Variants in NRG1 observed in about 807,000 individuals in gnomAD.
The protein encoded by NRG1 is pro-neuregulin-1, membrane-bound isoform.
Under a neutral mutation model 63.8 loss-of-function variants are expected in NRG1, and 18 were observed. That is an observed-to-expected ratio of 0.28 (90% CI 0.19 to 0.42). The LOEUF (loss-of-function observed/expected upper bound fraction) is 0.42, where lower values mean the gene tolerates loss of function less well. Ranked by LOEUF, NRG1 falls within the 10% of genes least tolerant of loss-of-function variation. The probability of loss-of-function intolerance (pLI) is 1.00; values close to 1 mark genes in which losing one functional copy is unlikely to be tolerated. For synonymous variants in NRG1, 302 were observed against 301.3 expected (o/e 1.00, Z -0.02); for missense variants, 762 against 814.7 (o/e 0.94, Z 0.79).
chr8:31,660,478 G>A (rs188073664), intron 1 of NRG1, among the ~76,000 whole-genome samples: 1 of 152,300 alleles, frequency 6.6e-6, no homozygotes, highest in African/African-American at 2.4e-5. Context: ...TGCAGGGTGT[G>A]TTAAGATGAT....
chr8:32,591,263 T>C (rs1054450461), intron 1 of NRG1, among the ~76,000 whole-genome samples: 5 of 152,120 alleles, frequency 3.3e-5, no homozygotes, highest in African/African-American at 7.2e-5. Flanking sequence ...AAAGTTAGAG[T>C]AGCTGTGAGC....
chr8:32,358,662 G>A (rs1025740242), intron 1 of NRG1, among the ~76,000 whole-genome samples: 4 of 152,178 alleles, frequency 2.6e-5, no homozygotes, highest in African/African-American at 9.6e-5. Flanking sequence ...GAGACTTATA[G>A]ATCATCTTCA....
intron 5 of NRG1, among the ~76,000 whole-genome samples, chr8:32,651,160 A>G (rs1232453725): frequency 6.6e-6 from 1 of 152,190 alleles, no homozygotes. Flanking sequence ...AAATTGCCTT[A>G]AGGTATAGTG....
rs987156312 is a variant in NRG1, at chr8:32,225,910, T to C, written c.38-369918T>C. Among the ~76,000 whole-genome samples, 6 of 152,178 alleles carry C rather than the reference T, an allele frequency of 3.9e-5. 1 individual carries two copies. Among genetic ancestry groups the C allele is most frequent in the Admixed American group, 3.9e-4 (6 of 15,272 alleles). ...TCCTACCTCCTAGTCTTCCTACCTT[T>C]AGTCTTTATTTTTAGCTCTCCTGAG... On this transcript the variant is annotated intron_variant, in intron 1 of 10. Coordinates refer to the NRG1 transcript ENST00000519301.
At chr8:31,873,525 C>G (rs1829667666) in intron 1 of NRG1, among the ~76,000 whole-genome samples, 1 of 152,154 alleles carries the variant, frequency 6.6e-6, no homozygotes, top group Non-Finnish European at 1.5e-5. Flanking sequence ...GACCACTGCA[C>G]TCCAGTCTGG....
intron 1 of NRG1, among the ~76,000 whole-genome samples, chr8:31,939,049 A>G (rs1400520552): frequency 2.6e-5 from 4 of 152,196 alleles, no homozygotes; most frequent in Admixed American, 2.6e-4. Flanking sequence ...ATTCAAATAC[A>G]AGAAGCTCAA....
chr8:32,749,469 C>T, intron 7 of NRG1: 2 of 1,258,890 alleles, frequency 1.6e-6, no homozygotes, highest in South Asian at 1.2e-5. Context: ...CCATAATAGT[C>T]ATGTGTAATG....
chr8:32,458,550 G>C (rs928817806), intron 1 of NRG1, among the ~76,000 whole-genome samples: 3 of 152,052 alleles, frequency 2.0e-5, no homozygotes, highest in South Asian at 2.1e-4. Context: ...ATATATTTCT[G>C]CCATTTTTTC....
chr8:31,649,416 ATG>A (rs1804624063), intron 1 of NRG1, among the ~76,000 whole-genome samples: 1 of 152,170 alleles, frequency 6.6e-6, no homozygotes, highest in Admixed American at 6.5e-5. Context: ...AGCCTTCCTA[ATG>A]CACGTGGAGT....
At chr8:32,728,766 A>G (rs1015788584) in intron 6 of NRG1, 1 of 673,268 alleles carries the variant, frequency 1.5e-6, no homozygotes, top group Non-Finnish European at 1.8e-6. Context: ...ATGCACCATT[A>G]AGAAGTATCC....
intron 1 of NRG1, among the ~76,000 whole-genome samples, chr8:31,928,352 T>TAAAAAAAAAAAAAAAAAAAAAAAAAAAA (rs77001238): frequency 8.7e-5 from 7 of 80,116 alleles, no homozygotes; most frequent in African/African-American, 3.0e-4. Context: ...ATGGATGTGG[T>TAAAAAAAAAAAAAAAAAAAAAAAAAAAA]AAAAAAAAAA....
intron 1 of NRG1, among the ~76,000 whole-genome samples, chr8:31,716,292 T>C (rs1415987521): frequency 6.6e-6 from 1 of 152,232 alleles, no homozygotes; most frequent in Non-Finnish European, 1.5e-5. Context: ...AACATAATTT[T>C]CTTTGTGTTT....
At chr8:32,401,130 G>A (rs10954839) in intron 1 of NRG1, among the ~76,000 whole-genome samples, 65,215 of 151,716 alleles carry the variant, frequency 0.43, 14,173 homozygotes, top group Admixed American at 0.47. Context: ...GACAGACACT[G>A]GGGCCTACTT....
At chr8:32,494,943 T>C (rs143615156) in intron 1 of NRG1, among the ~76,000 whole-genome samples, 1 of 152,338 alleles carries the variant, frequency 6.6e-6, no homozygotes, top group Non-Finnish European at 1.5e-5. Flanking sequence ...GAATGGCTTG[T>C]AGTCATGCTA....
At chr8:32,068,812 C>A (rs1193433342) in intron 1 of NRG1, among the ~76,000 whole-genome samples, 1 of 152,098 alleles carries the variant, frequency 6.6e-6, no homozygotes, top group Non-Finnish European at 1.5e-5. Context: ...ACTCTGACAC[C>A]GTTAGCTACG....
intron 1 of NRG1, among the ~76,000 whole-genome samples, chr8:32,365,312 G>T (rs1200397045): frequency 6.6e-6 from 1 of 152,016 alleles, no homozygotes; most frequent in African/African-American, 2.4e-5. Context: ...TTTTGGCTAT[G>T]ATAAGTGGTT....
chr8:31,870,786 G>T (rs1055767907), intron 1 of NRG1, among the ~76,000 whole-genome samples: 2 of 151,848 alleles, frequency 1.3e-5, no homozygotes, highest in African/African-American at 4.8e-5. Flanking sequence ...CTTGTTGTAG[G>T]CTGCTAGGCA....
rs572447039 is a variant in NRG1, at chr8:32,401,504, C to T, written c.38-194324C>T. On this transcript the variant is annotated intron_variant, in intron 1 of 10. Coordinates refer to the NRG1 transcript ENST00000519301. ...TCTGTCCACTGCTATGTCCCTAACA[C>T]TTAAAAAAAGGCTTTGCATTCTATA... is the stretch of plus-strand genomic sequence containing the variant. 2.0e-5 allele frequency among the ~76,000 whole-genome samples: 3 copies of T among 152,112 alleles called. No homozygotes were observed. In the South Asian group the frequency reaches 6.2e-4, roughly 32 times the overall value.
At chr8:32,350,039 A>G (rs1243987803) in intron 1 of NRG1, among the ~76,000 whole-genome samples, 1 of 152,146 alleles carries the variant, frequency 6.6e-6, no homozygotes, top group African/African-American at 2.4e-5. Flanking sequence ...ACACAGAGAA[A>G]TAGGAGGCGT....
Sources: gnomAD v4.1 joint callset for allele counts (sites outside exome capture counted in the v4.1 genomes callset) on GRCh38, gnomAD v4.1.1 for gene constraint, MANE v1.5 for transcripts, NCBI Gene and HGNC (gene_info 2026-07-23, HGNC 2026-07-21) for gene names.